The following ELP3 variants were observed in gnomAD, a reference collection of about 807,000 sequenced individuals.
ELP3 encodes elongator complex protein 3.
In ELP3, 56 loss-of-function variants were observed where a neutral mutation model predicts 74.9. The observed-to-expected ratio is 0.75, with a 90% CI of 0.60 to 0.93. The LOEUF (loss-of-function observed/expected upper bound fraction) is 0.93. Ranked by LOEUF, ELP3 falls within the 40% of genes least tolerant of loss-of-function variation. The probability of loss-of-function intolerance (pLI) is 0.00; values close to 1 mark genes in which losing one functional copy is unlikely to be tolerated. For missense variants in ELP3, 573 were observed against 686.5 expected, an observed-to-expected ratio of 0.83 and a Z score of 1.85; for synonymous variants, 222 against 239.8, an observed-to-expected ratio of 0.93 and a Z score of 0.68.
intron 14 of ELP3, 53 bp downstream of exon 14, chr8:28,162,131 C>T (rs1563281646): frequency 1.9e-6 from 3 of 1,577,972 alleles, no homozygotes; most frequent in Non-Finnish European, 2.6e-6. Context: ...AACTTGGCAC[C>T]ACAGTGAAAA....
rs904122487 is a variant in ELP3 at position 28,105,821 on chromosome 8, C to G, written c.259-892C>G. Among the ~76,000 whole-genome samples the G allele has an allele frequency of 3.3e-5, 5 of 152,268 alleles. No individual in the cohort carries two copies. In the South Asian group the frequency reaches 1.0e-3, roughly 32 times the overall value. ...ACTTTTGTAAATGGCCAGATTTGAC[C>G]AAGTGCCCTGGATGTAACCAATCTT... On this transcript the variant is annotated intron_variant, in intron 3 of 14. Transcript: ENST00000256398.
upstream of ELP3, chr8:28,090,485 G>GTGTGTGTA (rs1811025010): frequency 1.2e-5 from 2 of 165,322 alleles, no homozygotes; most frequent in African/African-American, 2.7e-5. Flanking sequence ...ATGGGTGGGT[G>GTGTGTGTA]TGTGTGTGTG....
intron 8 of ELP3, among the ~76,000 whole-genome samples, chr8:28,131,774 C>G (rs1291771429): frequency 6.6e-6 from 1 of 152,172 alleles, no homozygotes. Context: ...TCCAAACCCA[C>G]CAGTGAAATC....
chr8:28,139,449 TAAC>T (rs1813135401), intron 10 of ELP3, among the ~76,000 whole-genome samples: 1 of 152,162 alleles, frequency 6.6e-6, no homozygotes, highest in African/African-American at 2.4e-5. Flanking sequence ...ATGTAATGAA[TAAC>T]AACACAGGTG....
At chr8:28,131,499 T>G (rs139054948) in intron 8 of ELP3, among the ~76,000 whole-genome samples, 13 of 152,334 alleles carry the variant, frequency 8.5e-5, no homozygotes, top group African/African-American at 3.1e-4. Context: ...CATTAGAAAT[T>G]GAAGCCATGG....
At chr8:28,159,007 T>G (rs977079446) in intron 12 of ELP3, among the ~76,000 whole-genome samples, 4 of 152,198 alleles carry the variant, frequency 2.6e-5, no homozygotes, top group African/African-American at 9.7e-5. Context: ...TTGTAAATAG[T>G]CCCCTGTGAC....
rs531498564 is a variant in ELP3, at chr8:28,098,760, T to C, written c.120-1068T>C. On this transcript the variant is annotated intron_variant, in intron 2 of 14. Coordinates refer to ENST00000256398, the MANE Select transcript of ELP3 (RefSeq NM_018091.6). ...TGGTCTGCTTGTATTTCTTAAAATA[T>C]ATGCATTCCTGTTTTTGCATCTGCA... 2.7e-4 allele frequency among the ~76,000 whole-genome samples: 41 copies of C among 152,360 alleles called. No individual in the cohort carries two copies. In the South Asian group the frequency reaches 7.2e-3, roughly 27 times the overall value.
chr8:28,092,756 T>G, upstream of ELP3: 2 of 260,642 alleles, frequency 7.7e-6, no homozygotes, highest in Non-Finnish European at 1.5e-5. Context: ...CATGGGAGGG[T>G]TCCTCCTCCG....
chr8:28,138,559 C>T (rs953742438), intron 10 of ELP3, among the ~76,000 whole-genome samples: 3 of 152,134 alleles, frequency 2.0e-5, no homozygotes, highest in Non-Finnish European at 2.9e-5. Flanking sequence ...CACACATTCC[C>T]ACCACCCTGC....
At chr8:28,188,076 G>A (rs1013598215) in intron 14 of ELP3, among the ~76,000 whole-genome samples, 1 of 152,066 alleles carries the variant, frequency 6.6e-6, no homozygotes, top group African/African-American at 2.4e-5. Context: ...CCCAGTGCAG[G>A]GACGTGCAGA....
At chr8:28,161,440 G>A (rs950810144) in intron 13 of ELP3, among the ~76,000 whole-genome samples, 2 of 151,892 alleles carry the variant, frequency 1.3e-5, no homozygotes, top group African/African-American at 4.8e-5. Flanking sequence ...TGGGCGTGGC[G>A]GCACGTGCCT....
intron 14 of ELP3, among the ~76,000 whole-genome samples, chr8:28,175,671 C>G (rs1814717448): frequency 6.6e-6 from 1 of 152,234 alleles, no homozygotes; most frequent in East Asian, 1.9e-4. Flanking sequence ...GCCATTCTTC[C>G]CTGTTCTTTG....
At position 28,130,437 on chromosome 8, in the gene ELP3, C is replaced by T. The variant is rs149346318; in HGVS notation, c.779+774C>T. On this transcript the variant is annotated intron_variant, in intron 8 of 14. Transcript: ENST00000256398. Reference sequence around the variant, plus strand: ...CAAAGGGGAACTAGGGAAACAAGCACTGATCAGCATCTTAGAAACAACCAA... The same window carrying T: ...CAAAGGGGAACTAGGGAAACAAGCATTGATCAGCATCTTAGAAACAACCAA... Among the ~76,000 whole-genome samples the T allele has an allele frequency of 1.7e-3, 263 of 152,274 alleles. 2 individuals carry two copies. Among genetic ancestry groups the T allele is most frequent in the African/African-American group, 5.9e-3 (244 of 41,548 alleles).
intron 10 of ELP3, among the ~76,000 whole-genome samples, chr8:28,139,047 G>A (rs1813112570): frequency 6.6e-6 from 1 of 152,114 alleles, no homozygotes; most frequent in Admixed American, 6.5e-5. Context: ...GAGCCACAGG[G>A]TCCAGAGCAG....
At chr8:28,113,779 G>C (rs1008606327) in intron 7 of ELP3, 1 of 152,064 alleles carries the variant, frequency 6.6e-6, no homozygotes, top group African/African-American at 2.4e-5. Context: ...AACAAAAAGC[G>C]GACCAATTCA....
intron 7 of ELP3, among the ~76,000 whole-genome samples, chr8:28,119,916 T>C (rs1812302109): frequency 6.6e-6 from 1 of 152,130 alleles, no homozygotes; most frequent in Non-Finnish European, 1.5e-5. Context: ...ATCCATGTGT[T>C]GGGTGATTCA....
chr8:28,160,738 A>C (rs956042549), intron 13 of ELP3, among the ~76,000 whole-genome samples: 4 of 152,152 alleles, frequency 2.6e-5, no homozygotes, highest in African/African-American at 9.7e-5. Context: ...TTTGTCACCC[A>C]GGCCAGAGTG....
intron 10 of ELP3, among the ~76,000 whole-genome samples, chr8:28,138,860 A>T (rs1233857832): frequency 6.6e-6 from 1 of 152,242 alleles, no homozygotes; most frequent in Non-Finnish European, 1.5e-5. Context: ...AATTGCCTAT[A>T]TGGTCTCTAT....
At chr8:28,176,835 T>C (rs556320295) in intron 14 of ELP3, among the ~76,000 whole-genome samples, 1 of 152,310 alleles carries the variant, frequency 6.6e-6, no homozygotes, top group South Asian at 2.1e-4. Flanking sequence ...ATGTGTGACA[T>C]AGCAAACATC....
Sources: gnomAD v4.1 joint callset for allele counts (sites outside exome capture counted in the v4.1 genomes callset) on GRCh38, gnomAD v4.1.1 for gene constraint, MANE v1.5 for transcripts, NCBI Gene and HGNC (gene_info 2026-07-23, HGNC 2026-07-21) for gene names.